Variants in STK31 observed in about 807,000 individuals in gnomAD.
The protein encoded by STK31 is serine/threonine-protein kinase 31.
In STK31, 89 loss-of-function variants were observed where a neutral mutation model predicts 129.7. That is an observed-to-expected ratio of 0.69 (90% CI 0.58 to 0.82). The LOEUF (loss-of-function observed/expected upper bound fraction) is 0.82, where lower values mean the gene tolerates loss of function less well. STK31 is among the 40% of genes least tolerant of loss of function. The pLI is 0.00. For missense variants in STK31, 1,187 were observed against 1,176.4 expected, an observed-to-expected ratio of 1.01 and a Z score of -0.13; for synonymous variants, 448 against 395.3, an observed-to-expected ratio of 1.13 and a Z score of -1.58.
intron 6 of STK31, among the ~76,000 whole-genome samples, chr7:23,732,408 A>T (rs533111710): frequency 2.6e-5 from 4 of 152,236 alleles, no homozygotes; most frequent in Admixed American, 6.5e-5. Flanking sequence ...TGTATTATAT[A>T]TAAAGAGAAA....
chr7:23,732,586 T>C (rs1787497213), intron 6 of STK31, among the ~76,000 whole-genome samples: 2 of 152,284 alleles, frequency 1.3e-5, no homozygotes, highest in African/African-American at 4.8e-5. Context: ...TTCATACTAA[T>C]TGTGATTGGT....
chr7:23,725,821 T>C (rs1787029926), intron 4 of STK31: 1 of 152,218 alleles, frequency 6.6e-6, no homozygotes, highest in African/African-American at 2.4e-5. Flanking sequence ...ATTTTAAGTG[T>C]TTGATGCCTG....
intron 16 of STK31, among the ~76,000 whole-genome samples, chr7:23,782,471 C>CAAAAAAAAA (rs66962254): frequency 6.2e-4 from 52 of 84,430 alleles, no homozygotes; most frequent in East Asian, 1.0e-3. Flanking sequence ...GACCCTGTCT[C>CAAAAAAAAA]AAAAAAAAAA....
intron 10 of STK31, among the ~76,000 whole-genome samples, chr7:23,761,669 A>G (rs1256824379): frequency 1.3e-5 from 2 of 150,456 alleles, no homozygotes; most frequent in Admixed American, 6.6e-5. Context: ...CGGCCTCCCA[A>G]AGTGCTGGGA....
chr7:23,751,585 T>G (rs1261862361), intron 8 of STK31, among the ~76,000 whole-genome samples: 1 of 152,220 alleles, frequency 6.6e-6, no homozygotes, highest in Non-Finnish European at 1.5e-5. Context: ...TGGTTGATAG[T>G]GGACTTCAAG....
intron 3 of STK31, among the ~76,000 whole-genome samples, chr7:23,716,880 G>A (rs774776618): frequency 6.8e-6 from 1 of 146,370 alleles, no homozygotes; most frequent in Non-Finnish European, 1.5e-5. Context: ...TTGCAGTCTC[G>A]AACTTCTGGG....
chr7:23,789,551 G>C (rs1345194178), intron 21 of STK31, among the ~76,000 whole-genome samples: 2 of 152,034 alleles, frequency 1.3e-5, no homozygotes, highest in Non-Finnish European at 2.9e-5. Flanking sequence ...TAATGGTTTT[G>C]ATATGGTAGC....
At chr7:23,772,998 G>A (rs536057893) in intron 15 of STK31, among the ~76,000 whole-genome samples, 111 of 152,136 alleles carry the variant, frequency 7.3e-4, no homozygotes, top group African/African-American at 2.5e-3. Flanking sequence ...TCTATTCTGG[G>A]CTTTGGGGAA....
In STK31 at chr7:23,735,631, G is replaced by A; in HGVS notation, c.577G>A (p.Glu193Lys). The A allele has an allele frequency of 6.2e-7, 1 of 1,614,106 alleles. No individual in the cohort carries two copies. The change falls in exon 7 of 24, where the codon GAG becomes AAG. Residue 193 changes from glutamate (E) to lysine (K), a missense_variant. Glu to Lys is a moderately conservative substitution (Grantham distance 56, BLOSUM62 1). Coordinates refer to ENST00000355870, the MANE Select transcript of STK31 (RefSeq NM_031414.5). Reference protein sequence around the residue: ...SEDGTVIAQAEYGSVDIGEEV... With the variant: ...SEDGTVIAQAKYGSVDIGEEV... ...AGATGGAACAGTTATTGCTCAGGCT[G>A]AGTATGGCAGTGTGGATATAGGGGA...
intron 22 of STK31, among the ~76,000 whole-genome samples, chr7:23,798,639 A>G (rs1196242067): frequency 6.6e-6 from 1 of 152,200 alleles, no homozygotes; most frequent in Non-Finnish European, 1.5e-5. Context: ...CCCACAGCTA[A>G]TATCTTACTG....
intron 22 of STK31, among the ~76,000 whole-genome samples, chr7:23,813,670 T>C (rs897214472): frequency 6.6e-6 from 1 of 152,016 alleles, no homozygotes; most frequent in African/African-American, 2.4e-5. Context: ...CTGCTGATGG[T>C]GTTTGAGGGA....
intron 8 of STK31, among the ~76,000 whole-genome samples, chr7:23,742,651 C>T (rs922652432): frequency 1.3e-5 from 2 of 152,226 alleles, no homozygotes; most frequent in African/African-American, 4.8e-5. Flanking sequence ...TAGCCTTTCC[C>T]AGCTCTCAGC....
chr7:23,758,023 A>T (rs1171047239), intron 10 of STK31, among the ~76,000 whole-genome samples: 1 of 152,220 alleles, frequency 6.6e-6, no homozygotes, highest in East Asian at 1.9e-4. Flanking sequence ...GACACAGCAC[A>T]TGTCGTAGGG....
chr7:23,718,198 G>A (rs1786466299), intron 4 of STK31, among the ~76,000 whole-genome samples: 1 of 152,150 alleles, frequency 6.6e-6, no homozygotes, highest in African/African-American at 2.4e-5. Context: ...CGTATGTACT[G>A]TCTGCCATGT....
Position 23,832,221 on chromosome 7 carries a change from T to C in STK31, c.2915T>C (p.Phe972Ser). 6.2e-7 allele frequency: 1 copy of C among 1,614,154 alleles called. No individual in the cohort carries two copies. Among genetic ancestry groups the C allele is most frequent in the Non-Finnish European group, 8.5e-7 (1 of 1,179,992 alleles). ...TAEQVLNAEC[F>S]LMPKEQSVPN... is the part of the protein sequence containing the mutation. ...GAACAAGTTTTAAATGCTGAATGTT[T>C]CTTGATGCCAAAGGAGCAATCAGTT... Residue 972 changes from phenylalanine to serine, a missense_variant, in exon 24 of 24, where the codon TTC becomes TCC. Physicochemically the swap from Phe to Ser is radical, Grantham distance 155 (BLOSUM62 -2). Transcript: ENST00000355870.
chr7:23,756,302 C>G (rs930016699), intron 10 of STK31, among the ~76,000 whole-genome samples: 3 of 151,948 alleles, frequency 2.0e-5, no homozygotes, highest in Non-Finnish European at 4.4e-5. Context: ...TTGCTTGCCT[C>G]TTGTTGGTGT....
intron 22 of STK31, among the ~76,000 whole-genome samples, chr7:23,814,528 T>C (rs994796640): frequency 2.6e-5 from 4 of 152,172 alleles, no homozygotes; most frequent in Admixed American, 2.6e-4. Context: ...AGATATGTAC[T>C]AAGATATTTA....
chr7:23,781,543 T>G (rs748239969), intron 16 of STK31, 23 bp downstream of exon 16: 11 of 1,537,772 alleles, frequency 7.2e-6, no homozygotes, highest in Non-Finnish European at 8.9e-6. Context: ...TTCTTTGAAG[T>G]TTTACATTAG....
intron 21 of STK31, among the ~76,000 whole-genome samples, chr7:23,790,574 G>T (rs1260848936): frequency 1.3e-5 from 2 of 152,098 alleles, no homozygotes; most frequent in Non-Finnish European, 2.9e-5. Context: ...TTTAATCACA[G>T]AATAAGTGGT....
Sources: allele counts gnomAD v4.1 joint callset (sites outside exome capture counted in the v4.1 genomes callset), GRCh38; gene constraint gnomAD v4.1.1; transcripts MANE v1.5; gene names NCBI Gene and HGNC (gene_info 2026-07-23, HGNC 2026-07-21).